Variants in ADGRL2 observed in about 807,000 individuals in gnomAD.
ADGRL2 encodes calcium-independent alpha-latrotoxin receptor 2.
In ADGRL2, 44 loss-of-function variants were observed where a neutral mutation model predicts 157.4. The ratio of observed to expected loss-of-function variants is 0.28; its 90% CI spans 0.22 to 0.36. The LOEUF is 0.36. Ranked by LOEUF, ADGRL2 falls within the 10% of genes least tolerant of loss-of-function variation. The pLI, the probability that ADGRL2 is intolerant of heterozygous loss-of-function variation, is 1.00. For synonymous variants in ADGRL2, 585 were observed against 624.7 expected, an observed-to-expected ratio of 0.94 and a Z score of 0.95; for missense variants, 1,510 against 1,768.9, an observed-to-expected ratio of 0.85 and a Z score of 2.63.
intron 2 of ADGRL2, among the ~76,000 whole-genome samples, chr1:81,483,597 T>A (rs1483881094): frequency 1.3e-5 from 2 of 152,088 alleles, no homozygotes; most frequent in Non-Finnish European, 2.9e-5. Flanking sequence ...TAAAAATGAT[T>A]CAACAATGTA....
intron 2 of ADGRL2, among the ~76,000 whole-genome samples, chr1:81,769,668 C>T (rs553215057): frequency 1.3e-5 from 2 of 151,984 alleles, no homozygotes; most frequent in Admixed American, 1.3e-4. Flanking sequence ...GCCTTTTTCT[C>T]TTCTATACAA....
chr1:81,619,647 C>A (rs1202625877), intron 3 of ADGRL2, among the ~76,000 whole-genome samples: 1 of 132,378 alleles, frequency 7.6e-6, no homozygotes, highest in Non-Finnish European at 1.7e-5. Context: ...GATGAAATAA[C>A]ATACAGTGAT....
chr1:81,596,213 A>C (rs2148611851), intron 3 of ADGRL2: 5 of 574,022 alleles, frequency 8.7e-6, no homozygotes, highest in Non-Finnish European at 1.7e-5. Flanking sequence ...TCATCTGCTT[A>C]ACAATCTCAA....
At chr1:81,786,531 G>C (rs547469266) in intron 2 of ADGRL2, among the ~76,000 whole-genome samples, 8 of 152,138 alleles carry the variant, frequency 5.3e-5, no homozygotes, top group Admixed American at 1.3e-4. Context: ...AGCCAAGATC[G>C]TGCCACTGCA....
At chr1:81,848,538 A>G (rs1422368182) in intron 2 of ADGRL2, among the ~76,000 whole-genome samples, 1 of 151,956 alleles carries the variant, frequency 6.6e-6, no homozygotes, top group Non-Finnish European at 1.5e-5. Context: ...AAGAATATTT[A>G]AAGTATACTT....
intron 2 of ADGRL2, among the ~76,000 whole-genome samples, chr1:81,784,699 G>T (rs1393533482): frequency 7.1e-6 from 1 of 141,300 alleles, no homozygotes; most frequent in East Asian, 2.2e-4. Context: ...TTGCACTCCA[G>T]CCTGGGCGAC....
intron 2 of ADGRL2, among the ~76,000 whole-genome samples, chr1:81,448,137 C>CT (rs1168945231): frequency 0.036 from 2,996 of 83,510 alleles, 130 homozygotes; most frequent in East Asian, 0.076. Context: ...TTCTTTCTTT[C>CT]TTTTTTTTTT....
intron 3 of ADGRL2, among the ~76,000 whole-genome samples, chr1:81,590,671 A>T (rs1425488661): frequency 6.6e-6 from 1 of 152,152 alleles, no homozygotes; most frequent in Non-Finnish European, 1.5e-5. Flanking sequence ...AGGAACATAG[A>T]TATGGATATT....
intron 1 of ADGRL2, among the ~76,000 whole-genome samples, chr1:81,824,268 CATTTT>C (rs2091265456): frequency 1.3e-5 from 2 of 152,192 alleles, no homozygotes; most frequent in South Asian, 4.1e-4. Context: ...CAATAAAAGA[CATTTT>C]ATTTATTCAT....
intron 1 of ADGRL2, among the ~76,000 whole-genome samples, chr1:81,352,474 C>G (rs1386997697): frequency 1.3e-5 from 2 of 152,098 alleles, no homozygotes; most frequent in East Asian, 3.9e-4. Context: ...TAGTTTAAGT[C>G]TTAGGTCAGG....
At chr1:81,634,592 TG>T (rs1160199478) in intron 3 of ADGRL2, among the ~76,000 whole-genome samples, 1 of 151,720 alleles carries the variant, frequency 6.6e-6, no homozygotes, top group Non-Finnish European at 1.5e-5. Flanking sequence ...TGGAATGCAG[TG>T]GTGCGATCTT....
intron 2 of ADGRL2, chr1:81,502,560 G>A: frequency 6.2e-7 from 1 of 1,614,036 alleles, no homozygotes; most frequent in Admixed American, 1.7e-5. Context: ...ACCGAGAAGG[G>A]GGGCCTGGTG....
chr1:81,760,587 C>T (rs2085844109), intron 1 of ADGRL2, among the ~76,000 whole-genome samples: 1 of 151,870 alleles, frequency 6.6e-6, no homozygotes, highest in African/African-American at 2.4e-5. Flanking sequence ...GGATAGACAT[C>T]TATAAAAAAT....
At chr1:81,930,971 G>GA (rs1030063377) in intron 3 of ADGRL2, among the ~76,000 whole-genome samples, 17 of 151,486 alleles carry the variant, frequency 1.1e-4, no homozygotes, top group Admixed American at 9.2e-4. Flanking sequence ...GTCTCTACTG[G>GA]AAAAAAAATA....
chr1:81,390,380 G>T (rs1445626025), intron 1 of ADGRL2, among the ~76,000 whole-genome samples: 6 of 152,300 alleles, frequency 3.9e-5, no homozygotes, highest in African/African-American at 1.4e-4. Context: ...CAAATGGTCT[G>T]CACAAAAAGG....
At chr1:81,465,773 A>G (rs1335276359) in intron 2 of ADGRL2, among the ~76,000 whole-genome samples, 8 of 152,188 alleles carry the variant, frequency 5.3e-5, no homozygotes, top group Non-Finnish European at 1.0e-4. Flanking sequence ...TAAAGAATAA[A>G]TGGTATACTA....
intron 3 of ADGRL2, among the ~76,000 whole-genome samples, chr1:81,927,565 G>A (rs1339633035): frequency 5.3e-5 from 8 of 151,824 alleles, no homozygotes; most frequent in Non-Finnish European, 1.0e-4. Context: ...TAGAGATTCT[G>A]AAACTAACTT....
At chr1:81,868,756 A>G (rs1354841412) in intron 2 of ADGRL2, among the ~76,000 whole-genome samples, 1 of 152,078 alleles carries the variant, frequency 6.6e-6, no homozygotes, top group East Asian at 1.9e-4. Context: ...CTTATTACAA[A>G]CATGAACCTG....
In ADGRL2 at chr1:81,447,815, A is replaced by G. The variant is rs556644741; in HGVS notation, c.-248+2726A>G. ...TGTCCCCACCCAAATCTCATGTTCA[A>G]TTGTAATCCCCAATGTTGGAGTGGG... On this transcript the variant is annotated intron_variant, in intron 2 of 24. Transcript: ENST00000370721. Among the ~76,000 whole-genome samples the G allele has an allele frequency of 5.9e-5, 9 of 152,170 alleles. No homozygotes were observed. In the East Asian group the frequency reaches 1.7e-3, roughly 29 times the overall value.
Sources: gnomAD v4.1 joint callset for allele counts (sites outside exome capture counted in the v4.1 genomes callset) on GRCh38, gnomAD v4.1.1 for gene constraint, MANE v1.5 for transcripts, NCBI Gene and HGNC (gene_info 2026-07-23, HGNC 2026-07-21) for gene names.